FCGR2A: variants seen among roughly 807,000 people sequenced by gnomAD.
FCGR2A encodes Fc gamma receptor IIa, also known as low affinity immunoglobulin gamma Fc region receptor II-a.
In FCGR2A, 18 loss-of-function variants were observed where a neutral mutation model predicts 29.3. The ratio of observed to expected loss-of-function variants is 0.62; its 90% CI spans 0.43 to 0.91. The LOEUF is 0.91. FCGR2A is among the 40% of genes least tolerant of loss of function. The pLI, the probability that FCGR2A is intolerant of heterozygous loss-of-function variation, is 0.00. For missense variants in FCGR2A, 287 were observed against 393.0 expected, an observed-to-expected ratio of 0.73 and a Z score of 2.28; for synonymous variants, 126 against 144.8, an observed-to-expected ratio of 0.87 and a Z score of 0.93.
In FCGR2A at chr1:161,509,868, C is replaced by T. The variant is rs2102466568; in HGVS notation, c.413C>T (p.Thr138Ile). Residue 138 changes from threonine to isoleucine, a missense_variant, in exon 4 of 7, where the codon ACC becomes ATC. Transcript: ENST00000271450. ...CACCTGGAGTTCCAGGAGGGAGAAA[C>T]CATCATGCTGAGGTGCCACAGCTGG... ...TPHLEFQEGE[T>I]IMLRCHSWKD... 1 of 1,614,194 alleles carries T rather than the reference C, an allele frequency of 6.2e-7. No individual in the cohort carries two copies. The highest frequency in any genetic ancestry group is 8.5e-7 in the Non-Finnish European group (1 of 1,180,034).
In FCGR2A at chr1:161,506,565, A is replaced by T. The variant is rs2102457660; in HGVS notation, c.338A>T (p.Asp113Val). The T allele has an allele frequency of 6.2e-7, 1 of 1,614,074 alleles. No individual in the cohort carries two copies. The highest frequency in any genetic ancestry group is 8.5e-7 in the Non-Finnish European group (1 of 1,179,990). Reference protein sequence around the residue: ...TCQTGQTSLSDPVHLTVLSEW... With the variant: ...TCQTGQTSLSVPVHLTVLSEW... ...CAGACTGGCCAGACCAGCCTCAGCG[A>T]CCCTGTGCATCTGACTGTGCTTTCC... Residue 113 changes from aspartate (D) to valine (V), a missense_variant, in exon 3 of 7, where the codon GAC (aspartate) becomes GTC (valine). Around this residue, in one of 3 missense-constraint regions of FCGR2A, gnomAD observed 181 missense variants for 250.9 expected, o/e 0.72. Coordinates refer to ENST00000271450, the MANE Select transcript of FCGR2A (RefSeq NM_001136219.3).
chr1:161,505,594 C>T (rs188798727), intron 1 of FCGR2A, 42 bp downstream of exon 1: 859 of 1,485,302 alleles, frequency 5.8e-4, no homozygotes, highest in Middle Eastern at 5.1e-3. Context: ...TTCAGACACT[C>T]CTACTGCCTG....
At position 161,518,208 on chromosome 1, in the gene FCGR2A, G is replaced by C; in HGVS notation, c.*60G>C. On this transcript the variant is annotated 3_prime_UTR_variant, in exon 7 of 7. Transcript: ENST00000271450. ...CTTGCTGAGTGGATGACAAAAAGAG[G>C]GGAATTGTTAAAGGAAAATTTAAAT... is the stretch of plus-strand genomic sequence containing the variant. 1.3e-6 allele frequency: 2 copies of C among 1,574,506 alleles called. No individual in the cohort carries two copies.
Position 161,505,967 on chromosome 1 carries a change from C to T in FCGR2A, c.86-20C>T, listed in dbSNP as rs1358507345. The T allele has an allele frequency of 2.5e-6, 4 of 1,613,726 alleles. No homozygotes were observed. The highest frequency in any genetic ancestry group is 2.5e-6 in the Non-Finnish European group (3 of 1,179,726). ...CGTGTTCTCCTGCTCGACGTTGATCCACTCTCTTCTCTTTTACAGCTTCTG... is the reference window on the plus strand; with the variant it reads ...CGTGTTCTCCTGCTCGACGTTGATCTACTCTCTTCTCTTTTACAGCTTCTG... On this transcript the variant is annotated intron_variant, in intron 1 of 6. Coordinates refer to ENST00000271450, the MANE Select transcript of FCGR2A (RefSeq NM_001136219.3).
intron 6 of FCGR2A, among the ~76,000 whole-genome samples, chr1:161,515,926 A>C (rs1426573092): frequency 6.6e-6 from 1 of 152,224 alleles, no homozygotes; most frequent in Non-Finnish European, 1.5e-5. Context: ...AACAGTATTA[A>C]AGGAGCTCAA....
chr1:161,523,865 A>G (rs1409952164), downstream of FCGR2A: 1 of 152,010 alleles, frequency 6.6e-6, no homozygotes, highest in Non-Finnish European at 1.5e-5. Context: ...CCGGGAATCG[A>G]ACCCGGGCCT....
At chr1:161,520,662 T>C (rs1237227419), downstream of FCGR2A, among the ~76,000 whole-genome samples, 1 of 151,062 alleles carries the variant, frequency 6.6e-6, no homozygotes, top group East Asian at 1.9e-4. Context: ...GCCACCATCA[T>C]TTCTCACTTG....
At chr1:161,515,590 A>G (rs550932555) in intron 6 of FCGR2A, among the ~76,000 whole-genome samples, 1 of 152,138 alleles carries the variant, frequency 6.6e-6, no homozygotes, top group African/African-American at 2.4e-5. Flanking sequence ...GAGTTGTGTA[A>G]ATGTTTTTAA....
chr1:161,506,086 G>C, intron 2 of FCGR2A, 79 bp downstream of exon 2: 1 of 1,451,632 alleles, frequency 6.9e-7, no homozygotes, highest in Non-Finnish European at 9.7e-7. Context: ...GGGCGGCGGG[G>C]GGGTATGTCT....
At chr1:161,510,337 C>T in intron 4 of FCGR2A, 1 of 690,154 alleles carries the variant, frequency 1.4e-6, no homozygotes, top group South Asian at 1.7e-5. Context: ...GGCAGTGAAG[C>T]AGAGCTCCCT....
chr1:161,510,410 T>C, intron 4 of FCGR2A: 1 of 534,064 alleles, frequency 1.9e-6, no homozygotes, highest in Non-Finnish European at 3.4e-6. Flanking sequence ...GCCTCGTTTC[T>C]TCTCATGGCT....
chr1:161,510,222 A>G (rs1332717522), intron 4 of FCGR2A, 148 bp downstream of exon 4: 18 of 1,405,648 alleles, frequency 1.3e-5, no homozygotes, highest in Non-Finnish European at 1.7e-5. Flanking sequence ...AGCCTGGCTA[A>G]GTATTGACCA....
chr1:161,506,336 G>A lies in FCGR2A; in HGVS notation c.109G>A (p.Ala37Thr), dbSNP rs1219210638. The change falls in exon 3 of 7, where the codon GCT becomes ACT. Residue 37 changes from alanine to threonine, a missense_variant and splice_region_variant. This residue lies in a region of FCGR2A where 181 missense variants were observed against 250.9 expected (regional missense o/e 0.72). Transcript: ENST00000271450. ...LLASADSQAAAPPKAVLKLEP... is the reference protein window; with the variant it reads ...LLASADSQAATPPKAVLKLEP... Reference sequence around the variant, plus strand: ...CCCCTTTCCACTCTGCCCCTCAGCAGCTCCCCCAAAGGCTGTGCTGAAACT... The same window carrying A: ...CCCCTTTCCACTCTGCCCCTCAGCAACTCCCCCAAAGGCTGTGCTGAAACT... 15 of 1,614,044 alleles carry A rather than the reference G, an allele frequency of 9.3e-6. No individual in the cohort carries two copies. The highest frequency in any genetic ancestry group is 1.3e-5 in the African/African-American group (1 of 74,918).
At chr1:161,509,561 C>T (rs892166860) in intron 3 of FCGR2A, among the ~76,000 whole-genome samples, 8 of 152,308 alleles carry the variant, frequency 5.3e-5, no homozygotes, top group African/African-American at 1.4e-4. Flanking sequence ...TCTACTCAAA[C>T]GTAGTATTTT....
downstream of FCGR2A, among the ~76,000 whole-genome samples, chr1:161,520,808 A>G (rs1676423465): frequency 6.6e-6 from 1 of 152,006 alleles, no homozygotes; most frequent in African/African-American, 2.4e-5. Context: ...CAAATCATAT[A>G]CTATCTTCCC....
chr1:161,520,011 C>T (rs1167520739), downstream of FCGR2A: 1 of 151,794 alleles, frequency 6.6e-6, no homozygotes, highest in East Asian at 1.9e-4. Flanking sequence ...CTTAAAGAGC[C>T]TTCCATTTTC....
chr1:161,517,912 G>A (rs1429450073), intron 6 of FCGR2A, 63 bp from the exon 7 acceptor site: 1 of 1,168,782 alleles, frequency 8.6e-7, no homozygotes, highest in Non-Finnish European at 1.3e-6. Flanking sequence ...TCTCCTTATA[G>A]TTATTGTATT....
At chr1:161,506,100 C>G (rs1441460803) in intron 2 of FCGR2A, 93 bp downstream of exon 2, 1 of 1,389,838 alleles carries the variant, frequency 7.2e-7, no homozygotes, top group African/African-American at 1.4e-5. Flanking sequence ...TATGTCTATT[C>G]CACTGAAAAT....
chr1:161,509,069 T>C (rs4657041), intron 3 of FCGR2A, among the ~76,000 whole-genome samples: 75,297 of 151,904 alleles, frequency 0.5, 18,922 homozygotes, highest in Middle Eastern at 0.53. Flanking sequence ...GGGTAGGTGA[T>C]TAGGTCATGA....
Sources: allele counts gnomAD v4.1 joint callset (sites outside exome capture counted in the v4.1 genomes callset), GRCh38; gene constraint gnomAD v4.1.1; regional missense constraint gnomAD v4.1.1; transcripts MANE v1.5; gene names NCBI Gene and HGNC (gene_info 2026-07-23, HGNC 2026-07-21).